Variants in ALDOA observed in about 807,000 individuals in gnomAD.
The protein encoded by ALDOA is fructose-bisphosphate aldolase A.
ALDOA carries 26 observed loss-of-function variants against 43.9 expected under a neutral mutation model. That is an observed-to-expected ratio of 0.59 (90% confidence interval 0.43 to 0.82). The LOEUF (loss-of-function observed/expected upper bound fraction) is 0.82, where lower values mean the gene tolerates loss of function less well. Among genes scored for constraint, ALDOA ranks in the 40% least tolerant of loss-of-function variants. The pLI is 0.00. For missense variants in ALDOA, 498 were observed against 549.5 expected (o/e 0.91, Z 0.94); for synonymous variants, 258 against 222.6 (o/e 1.16, Z -1.42).
At position 30,068,949 on chromosome 16, in the gene ALDOA, C is replaced by T; in HGVS notation, c.673C>T (p.Leu225=). 1 of 1,614,244 alleles carries T rather than the reference C, an allele frequency of 6.2e-7. No individual in the cohort carries two copies. The highest frequency in any genetic ancestry group is 1.1e-5 in the South Asian group (1 of 91,086). The change falls in exon 6 of 10, where the codon CTG becomes TTG. Residue 225 remains leucine, a synonymous_variant. Transcript: ENST00000642816. ...CGCCATCATGGAAAATGCCAATGTT[C>T]TGGCCCGTTATGCCAGTATCTGCCA... ...ALAIMENANV[L]ARYASICQQN...
At chr16:30,067,135 G>A in intron 2 of ALDOA, 97 bp downstream of exon 2, 1 of 1,583,850 alleles carries the variant, frequency 6.3e-7, no homozygotes, top group Non-Finnish European at 8.6e-7. Context: ...AGGGGAGGTA[G>A]GGAACATTTC....
At position 30,065,790 on chromosome 16, in the gene ALDOA, T is replaced by G. The variant is rs370167694; in HGVS notation, c.-151T>G. On this transcript the variant is annotated 5_prime_UTR_variant, in exon 1 of 10. Coordinates refer to ENST00000642816, the MANE Select transcript of ALDOA (RefSeq NM_001243177.4). ...CCTCCTGCGCCGCCCCTTCCGAGGC[T>G]AAATCGGCTGCGTTCCTCTCGGAAC... is the stretch of plus-strand genomic sequence containing the variant. The G allele has an allele frequency of 4.6e-5, 7 of 152,706 alleles. No homozygotes were observed. The highest frequency in any genetic ancestry group is 7.3e-5 in the Non-Finnish European group (5 of 68,088). 9.5% of individuals were successfully genotyped at this position (152,706 alleles called of 1,614,324 possible).
At position 30,070,289 on chromosome 16, in the gene ALDOA, G is replaced by C; in HGVS notation, c.*77G>C. The C allele has an allele frequency of 7.0e-7, 1 of 1,431,642 alleles. No homozygotes were observed. Among genetic ancestry groups the C allele is most frequent in the Non-Finnish European group, 9.8e-7 (1 of 1,016,628 alleles). The allele number at this position is 1,431,642 out of a possible 1,614,324, so 88.7% of individuals were successfully genotyped here. A position where few individuals can be genotyped will look rare whatever the true frequency, so the allele number is the denominator to read the frequency against. On this transcript the variant is annotated 3_prime_UTR_variant, in exon 10 of 10. Transcript: ENST00000642816. ...CTCTTGAAGAGGAGGCCGCCTCCTC[G>C]GGGCTCCAGGCTGGCTTGCCCGCGC...
intron 4 of ALDOA, 198 bp from the exon 5 acceptor site, chr16:30,068,448 G>T (rs1356033173): frequency 9.0e-6 from 6 of 668,792 alleles, no homozygotes; most frequent in Non-Finnish European, 1.7e-5. Context: ...TAAATGTGGG[G>T]GAAGACTGGG....
In ALDOA at chr16:30,066,908, G is replaced by A. The variant is rs146835556; in HGVS notation, c.11G>A (p.Arg4His). The change falls in exon 2 of 10, where the codon CGC (arginine) becomes CAC (histidine). Residue 4 changes from arginine (R) to histidine (H), a missense_variant. Coordinates refer to ENST00000642816, the MANE Select transcript of ALDOA (RefSeq NM_001243177.4). MARRKPEGSSFNMT... is the reference protein window; with the variant it reads MARHKPEGSSFNMT... Reference sequence around the variant, plus strand: ...AGGCAAGGTGACCCCATGGCAAGGCGCAAGCCAGAAGGGTCCAGCTTCAAC... The same window carrying A: ...AGGCAAGGTGACCCCATGGCAAGGCACAAGCCAGAAGGGTCCAGCTTCAAC... The A allele has an allele frequency of 4.7e-5, 73 of 1,550,348 alleles. 1 individual carries two copies. Among genetic ancestry groups the A allele is most frequent in the Middle Eastern group, 1.7e-4 (1 of 5,992 alleles).
At chr16:30,069,242 G>A in intron 6 of ALDOA, 64 bp from the exon 7 acceptor site, 1 of 1,551,412 alleles carries the variant, frequency 6.4e-7, no homozygotes, top group Non-Finnish European at 8.9e-7. Context: ...CAGTGGCTGT[G>A]GAGAGATGTA....
chr16:30,065,013 G>GC (rs753217857), upstream of ALDOA, among the ~76,000 whole-genome samples: 1 of 152,268 alleles, frequency 6.6e-6, no homozygotes, highest in Non-Finnish European at 1.5e-5. Context: ...CCGAGCAGCG[G>GC]CCGGTGCATA....
chr16:30,069,276 C>T, intron 6 of ALDOA, 30 bp from the exon 7 acceptor site: 1 of 1,613,126 alleles, frequency 6.2e-7, no homozygotes. Flanking sequence ...GTTAGGAGGC[C>T]TCACAGTGAC....
At chr16:30,069,463 C>T in intron 7 of ALDOA, 36 bp from the exon 8 acceptor site, 2 of 1,614,018 alleles carry the variant, frequency 1.2e-6, no homozygotes, top group Non-Finnish European at 1.7e-6. Context: ...TCCTCTCCTC[C>T]ACCCCACTAC....
Position 30,069,296 on chromosome 16 carries a change from C to G in ALDOA, c.703-10C>G. ...GAGGCCTCACAGTGACCCTGTCCCT[C>G]GCCCTGCAGAATGGCATTGTGCCCA... is the stretch of plus-strand genomic sequence containing the variant. On this transcript the variant is annotated splice_polypyrimidine_tract_variant and intron_variant, in intron 6 of 9. Transcript: ENST00000642816. 6.2e-7 allele frequency: 1 copy of G among 1,614,140 alleles called. No individual in the cohort carries two copies. The highest frequency in any genetic ancestry group is 8.5e-7 in the Non-Finnish European group (1 of 1,180,000).
chr16:30,068,973 C>T lies in ALDOA; in HGVS notation c.697C>T (p.Gln233Ter). 1 of 1,614,256 alleles carries T rather than the reference C, an allele frequency of 6.2e-7. No individual in the cohort carries two copies. The highest frequency in any genetic ancestry group is 8.5e-7 in the Non-Finnish European group (1 of 1,180,052). ...TCTGGCCCGTTATGCCAGTATCTGCCAGCAGGTGGGCCTGCAGGTCCTCAA... is the reference window on the plus strand; with the variant it reads ...TCTGGCCCGTTATGCCAGTATCTGCTAGCAGGTGGGCCTGCAGGTCCTCAA... ...NVLARYASIC[Q>*]QNGIVPIVEP... is the part of the protein sequence containing the mutation. The change falls in exon 6 of 10, where the codon CAG (glutamine) becomes TAG (stop). Residue 233 changes from glutamine to a stop codon, truncating the protein, a stop_gained. Transcript: ENST00000642816. LOFTEE classifies it high-confidence loss of function.
chr16:30,068,357 C>A, intron 4 of ALDOA: 1 of 420,074 alleles, frequency 2.4e-6, no homozygotes, highest in South Asian at 2.0e-5. Context: ...AGCCACCATG[C>A]CCGGCTTAAG....
intron 8 of ALDOA, 58 bp downstream of exon 8, chr16:30,069,731 A>C: frequency 6.2e-7 from 1 of 1,611,140 alleles, no homozygotes; most frequent in Non-Finnish European, 8.5e-7. Flanking sequence ...CCACAACCCT[A>C]TGCCCATTTG....
chr16:30,066,501 G>C (rs1052825999), intron 1 of ALDOA, among the ~76,000 whole-genome samples: 3 of 152,236 alleles, frequency 2.0e-5, no homozygotes, highest in Admixed American at 2.0e-4. Flanking sequence ...GAACAGTGAC[G>C]ATGGCAAAGC....
At position 30,068,700 on chromosome 16, in the gene ALDOA, G is replaced by A; in HGVS notation, c.541G>A (p.Gly181Arg). The A allele has an allele frequency of 6.2e-7, 1 of 1,614,222 alleles. No individual in the cohort carries two copies. The highest frequency in any genetic ancestry group is 8.5e-7 in the Non-Finnish European group (1 of 1,180,048). ...GACAAATGGCGAGACTACCACCCAA[G>A]GTGAGAACTGTTTGATTCTCTGCCC... The part of the protein sequence containing the change: ...AGTNGETTTQ[G>R]LDGLSERCAQ... Residue 181 changes from glycine to arginine, a missense_variant and splice_region_variant, in exon 5 of 10, where the codon GGG becomes AGG. Coordinates refer to ENST00000642816, the MANE Select transcript of ALDOA (RefSeq NM_001243177.4).
At chr16:30,064,769 T>C, upstream of ALDOA, 1 of 302,752 alleles carries the variant, frequency 3.3e-6, no homozygotes, top group Non-Finnish European at 6.0e-6. Flanking sequence ...TGCCGGCTCC[T>C]TCGGCCTCGC....
chr16:30,067,051 G>A lies in ALDOA; in HGVS notation c.141+13G>A. 6.3e-7 allele frequency: 1 copy of A among 1,576,042 alleles called. No homozygotes were observed. The highest frequency in any genetic ancestry group is 8.6e-7 in the Non-Finnish European group (1 of 1,161,574). On this transcript the variant is annotated intron_variant, in intron 2 of 9. Transcript: ENST00000642816. ...AGAGTTAGGAAAGGTACAGGGGCAG[G>A]CCTAGCAAAGGGAAGTTGGGCGTAA...
At chr16:30,064,914 G>T (rs948745125), upstream of ALDOA, 2 of 164,972 alleles carry the variant, frequency 1.2e-5, no homozygotes, top group Non-Finnish European at 1.3e-5. Flanking sequence ...CTGGGAGGCA[G>T]ATCAGTTCGG....
In ALDOA at chr16:30,067,456, T is replaced by C. The variant is rs754078010; in HGVS notation, c.281T>C (p.Ile94Thr). Residue 94 changes from isoleucine to threonine, a missense_variant, in exon 4 of 10, where the codon ATT becomes ACT. Physicochemically the swap from Ile to Thr is moderately conservative, Grantham distance 89. Coordinates refer to ENST00000642816, the MANE Select transcript of ALDOA (RefSeq NM_001243177.4). ...TCCCATGTGACACTCCCAGGGAGCA[T>C]TGCCAAGCGGCTGCAGTCCATTGGC... ...ILAADESTGS[I>T]AKRLQSIGTE... The C allele has an allele frequency of 2.5e-6, 4 of 1,613,178 alleles. No individual in the cohort carries two copies. Among genetic ancestry groups the C allele is most frequent in the East Asian group, 2.2e-5 (1 of 44,862 alleles).
Sources: gnomAD v4.1 joint callset for allele counts (sites outside exome capture counted in the v4.1 genomes callset) on GRCh38, gnomAD v4.1.1 for gene constraint, MANE v1.5 for transcripts, NCBI Gene and HGNC (gene_info 2026-07-23, HGNC 2026-07-21) for gene names.